Variants in TULP4 observed in about 807,000 individuals in gnomAD.
TULP4 encodes the protein tubby-related protein 4.
In TULP4, 16 loss-of-function variants were observed where a neutral mutation model predicts 129.0. The ratio of observed to expected loss-of-function variants is 0.12; its 90% confidence interval spans 0.08 to 0.19. The LOEUF (loss-of-function observed/expected upper bound fraction) is 0.19. Among genes scored for constraint, TULP4 ranks in the 10% least tolerant of loss-of-function variants. The pLI is 1.00. For synonymous variants in TULP4, 998 were observed against 854.0 expected (o/e 1.17, Z -2.94); for missense variants, 1,842 against 2,059.1 (o/e 0.89, Z 2.04).
intron 1 of TULP4, among the ~76,000 whole-genome samples, chr6:158,268,478 A>G (rs1386058720): frequency 6.6e-6 from 1 of 152,176 alleles, no homozygotes; most frequent in Non-Finnish European, 1.5e-5. Context: ...TAGACTGGGT[A>G]ATTTATAAAC....
chr6:158,251,000 C>T (rs1004645445), intron 1 of TULP4, among the ~76,000 whole-genome samples: 4 of 152,146 alleles, frequency 2.6e-5, no homozygotes, highest in African/African-American at 7.2e-5. Context: ...ATTGGTTTCG[C>T]TCCTTTGGTG....
chr6:158,441,983 G>A (rs982282645), intron 3 of TULP4, among the ~76,000 whole-genome samples: 4 of 152,152 alleles, frequency 2.6e-5, no homozygotes, highest in African/African-American at 7.2e-5. Flanking sequence ...GCCTAATCGC[G>A]TTGACAGCCC....
chr6:158,463,595 T>C (rs1028997922), intron 6 of TULP4, among the ~76,000 whole-genome samples: 4 of 150,772 alleles, frequency 2.7e-5, no homozygotes, highest in Non-Finnish European at 5.9e-5. Context: ...TGTATACATA[T>C]GTAACAAACC....
chr6:158,280,979 A>G (rs1778738685), upstream of TULP4, among the ~76,000 whole-genome samples: 2 of 152,188 alleles, frequency 1.3e-5, no homozygotes. Flanking sequence ...CTTACATTAA[A>G]CGTGAGGAGT....
chr6:158,313,667 A>G lies in TULP4; in HGVS notation c.-350A>G. ...AATGAGAATAACCAAGTGGAGTAAA[A>G]AGAAGAAAACCGTTTCTTGATCACC... On this transcript the variant is annotated 5_prime_UTR_variant, in exon 1 of 14. Coordinates refer to ENST00000367097, the MANE Select transcript of TULP4 (RefSeq NM_020245.5). 1 of 443,798 alleles carries G rather than the reference A, an allele frequency of 2.3e-6. No individual in the cohort carries two copies. The allele number at this position is 443,798 out of a possible 1,614,324, so 27.5% of individuals were successfully genotyped here. A position where few individuals can be genotyped will look rare whatever the true frequency, so the allele number is the denominator to read the frequency against.
chr6:158,285,824 A>G (rs1778826658), intron 1 of TULP4, among the ~76,000 whole-genome samples: 1 of 152,180 alleles, frequency 6.6e-6, no homozygotes, highest in Admixed American at 6.5e-5. Context: ...ACTTCTGCTT[A>G]CCATCAGAAC....
intron 1 of TULP4, among the ~76,000 whole-genome samples, chr6:158,379,843 G>A (rs1439839409): frequency 6.6e-6 from 1 of 152,174 alleles, no homozygotes; most frequent in African/African-American, 2.4e-5. Context: ...ACATTGAAAT[G>A]GAGATGGTAA....
chr6:158,370,031 A>T lies in TULP4; in HGVS notation c.253-43034A>T, dbSNP rs183910928. On this transcript the variant is annotated intron_variant, in intron 1 of 13. Transcript: ENST00000367097. ...AACTAGGGCAGCATGGAGAAACCCC[A>T]TCTCTATAAAAAATACAAAAACTAG... 2.3e-3 allele frequency among the ~76,000 whole-genome samples: 356 copies of T among 151,878 alleles called. 3 individuals carry two copies. The highest frequency in any genetic ancestry group is 4.9e-3 in the Admixed American group (74 of 15,256).
chr6:158,403,489 G>A (rs935840831), intron 1 of TULP4, among the ~76,000 whole-genome samples: 4 of 152,154 alleles, frequency 2.6e-5, no homozygotes, highest in East Asian at 1.9e-4. Flanking sequence ...ACAGGCATGC[G>A]CCCCTATGCC....
Position 158,503,503 on chromosome 6 carries a change from C to G in TULP4, c.3840C>G (p.Pro1280=), listed in dbSNP as rs1156801074. ...TGCAGAACCCCCAGGGCACTCTCCC[C>G]CCAAAGCCACACTTGGTGGTGGAGA... ...PPMQNPQGTL[P]PKPHLVVEKP... The change falls in exon 13 of 14, where the codon CCC becomes CCG. Residue 1280 remains proline, a synonymous_variant. Transcript: ENST00000367097. The surrounding 1 kb of genome is among the most constrained non-coding windows in gnomAD (Gnocchi z 4.3). 7 of 1,614,014 alleles carry G rather than the reference C, an allele frequency of 4.3e-6. No individual in the cohort carries two copies. Among genetic ancestry groups the G allele is most frequent in the Non-Finnish European group, 5.9e-6 (7 of 1,180,012 alleles).
At chr6:158,453,650 G>A (rs1424857573) in intron 5 of TULP4, among the ~76,000 whole-genome samples, 3 of 151,714 alleles carry the variant, frequency 2.0e-5, no homozygotes, top group Admixed American at 6.6e-5. Context: ...TTAGCTGGGC[G>A]TGGTAGCAGG....
intron 6 of TULP4, among the ~76,000 whole-genome samples, chr6:158,475,331 C>G (rs1562582124): frequency 6.6e-6 from 1 of 152,162 alleles, no homozygotes; most frequent in African/African-American, 2.4e-5. Flanking sequence ...TTCCACCAGA[C>G]CCACACTCCC....
chr6:158,421,747 A>G (rs1330165531), intron 2 of TULP4, among the ~76,000 whole-genome samples: 1 of 152,240 alleles, frequency 6.6e-6, no homozygotes, highest in South Asian at 2.1e-4. Context: ...ATGGCAAAGA[A>G]GCACGTTTTG....
At chr6:158,312,120 C>T (rs933172899), upstream of TULP4, 10 of 397,808 alleles carry the variant, frequency 2.5e-5, no homozygotes, top group South Asian at 1.3e-4. Context: ...GGGAAGCAGA[C>T]GCTTCGTATG....
intron 1 of TULP4, among the ~76,000 whole-genome samples, chr6:158,245,097 C>T (rs1778002657): frequency 6.6e-6 from 1 of 151,980 alleles, no homozygotes; most frequent in Admixed American, 6.6e-5. Flanking sequence ...AAGCAATCCT[C>T]CTCCCTTAGC....
intron 7 of TULP4, 107 bp from the exon 8 acceptor site, chr6:158,480,948 C>A: frequency 1.0e-6 from 1 of 996,068 alleles, no homozygotes; most frequent in Non-Finnish European, 1.5e-6. Flanking sequence ...TGTGCTCTGT[C>A]TGGAACAGTA....
At chr6:158,285,247 T>A (rs1778815688) in intron 1 of TULP4, among the ~76,000 whole-genome samples, 1 of 152,100 alleles carries the variant, frequency 6.6e-6, no homozygotes, top group South Asian at 2.1e-4. Context: ...TTTTTGTTGT[T>A]GTTAAGCAAC....
At chr6:158,371,706 C>A (rs1268650088) in intron 1 of TULP4, among the ~76,000 whole-genome samples, 1 of 152,110 alleles carries the variant, frequency 6.6e-6, no homozygotes, top group African/African-American at 2.4e-5. Flanking sequence ...CAAAATAAGT[C>A]TTTTTTGGTA....
intron 1 of TULP4, among the ~76,000 whole-genome samples, chr6:158,317,573 A>G (rs2128485074): frequency 6.6e-6 from 1 of 152,242 alleles, no homozygotes; most frequent in South Asian, 2.1e-4. Context: ...TCACTGATGG[A>G]CATTTCGGTT....
Sources: allele counts gnomAD v4.1 joint callset (sites outside exome capture counted in the v4.1 genomes callset), GRCh38; gene constraint gnomAD v4.1.1; non-coding constraint Gnocchi (gnomAD v3.1); transcripts MANE v1.5; gene names NCBI Gene and HGNC (gene_info 2026-07-23, HGNC 2026-07-21).